OGN: variants seen among roughly 807,000 people sequenced by gnomAD.
OGN encodes the protein mimecan.
In OGN, 19 loss-of-function variants were observed where a neutral mutation model predicts 30.8. The observed-to-expected ratio is 0.62, with a 90% CI of 0.43 to 0.90. The LOEUF is 0.90. Ranked by LOEUF, OGN falls within the 40% of genes least tolerant of loss-of-function variation. The pLI, the probability that OGN is intolerant of heterozygous loss-of-function variation, is 0.00. For synonymous variants in OGN, 126 were observed against 128.3 expected (o/e 0.98, Z 0.12); for missense variants, 283 against 349.7 (o/e 0.81, Z 1.52).
intron 5 of OGN, 145 bp from the exon 6 acceptor site, chr9:92,386,441 G>C (rs191790003): frequency 1.7e-6 from 1 of 583,110 alleles, no homozygotes; most frequent in Non-Finnish European, 3.0e-6. Context: ...TCAATTGTTC[G>C]TATGGTAGTT....
At chr9:92,391,636 C>G (rs890282137) in intron 4 of OGN, among the ~76,000 whole-genome samples, 1 of 151,968 alleles carries the variant, frequency 6.6e-6, no homozygotes, top group African/African-American at 2.4e-5. Flanking sequence ...AATCAATAAA[C>G]AGCAAAATCA....
intron 4 of OGN, among the ~76,000 whole-genome samples, chr9:92,391,268 G>A (rs1300291289): frequency 2.0e-5 from 3 of 151,894 alleles, no homozygotes; most frequent in Middle Eastern, 3.4e-3. Flanking sequence ...TTAGCCAGGC[G>A]TGGTGGCGAG....
At chr9:92,390,893 C>T (rs1842649879) in intron 4 of OGN, among the ~76,000 whole-genome samples, 1 of 152,142 alleles carries the variant, frequency 6.6e-6, no homozygotes. Context: ...AACATATTTT[C>T]CCTGTAGGCA....
chr9:92,389,024 T>C (rs1251434594), intron 5 of OGN, among the ~76,000 whole-genome samples: 1 of 152,154 alleles, frequency 6.6e-6, no homozygotes, highest in Admixed American at 6.5e-5. Context: ...TAACAGATTG[T>C]ACATTTTTTG....
At chr9:92,390,585 TGTGC>T (rs748539120) in intron 4 of OGN, among the ~76,000 whole-genome samples, 71 of 133,122 alleles carry the variant, frequency 5.3e-4, no homozygotes, top group East Asian at 5.1e-4. Context: ...TGTGTGTGTG[TGTGC>T]GCGCGCGCGT....
chr9:92,385,629 TGACCCTATCGGTAATC>T lies in OGN; in HGVS notation c.872_887del (p.Arg291AsnfsTer11). On this transcript the variant is annotated frameshift_variant, in exon 7 of 7. Transcript: ENST00000375561. LOFTEE classifies it high-confidence loss of function. ...GTTGTACCAATAGAGGTTAAAAGTA[TGACCCTATCGGTAATC>T]TTTTTAAGCAAATAAAACTGTTTGG... The T allele has an allele frequency of 6.2e-7, 1 of 1,613,920 alleles. No individual in the cohort carries two copies. Among genetic ancestry groups the T allele is most frequent in the Non-Finnish European group, 8.5e-7 (1 of 1,179,768 alleles).
At chr9:92,390,587 T>TGTGTGCGCGC (rs749697394) in intron 4 of OGN, among the ~76,000 whole-genome samples, 38 of 141,914 alleles carry the variant, frequency 2.7e-4, no homozygotes, top group Non-Finnish European at 4.9e-4. Context: ...TGTGTGTGTG[T>TGTGTGCGCGC]GCGCGCGCGC....
intron 4 of OGN, among the ~76,000 whole-genome samples, chr9:92,391,192 C>T (rs997972361): frequency 6.6e-5 from 10 of 150,602 alleles, no homozygotes; most frequent in African/African-American, 9.8e-5. Flanking sequence ...GTCAGGAGAT[C>T]GAGACCATCC....
At chr9:92,387,087 G>C (rs1223408208) in intron 5 of OGN, among the ~76,000 whole-genome samples, 1 of 144,974 alleles carries the variant, frequency 6.9e-6, no homozygotes, top group East Asian at 2.1e-4. Flanking sequence ...AAATGTGTGT[G>C]CTTAGCCGGG....
rs527915296 is a variant in OGN at position 92,389,623 on chromosome 9, C to T, written c.630+231G>A. 8.7e-6 allele frequency: 3 copies of T among 345,116 alleles called. No homozygotes were observed. The Admixed American group carries it at 1.4e-4, about 16-fold the overall frequency. The allele number at this position is 345,116 out of a possible 1,614,324, so 21.4% of individuals were successfully genotyped here. On this transcript the variant is annotated intron_variant, in intron 5 of 6. Transcript: ENST00000375561. ...TATGAACAAGTGAAAAAATGAGAAA[C>T]AAAATAGTCCCATGAAATAAAATAA...
At position 92,387,680 on chromosome 9, in the gene OGN, A is replaced by G. The variant is rs549779067; in HGVS notation, c.631-1384T>C. On this transcript the variant is annotated intron_variant, in intron 5 of 6. Transcript: ENST00000375561. ...TGTCTTCCCAGTGAGTCTCATTTAC[A>G]TGAGGTAGAATAACCTAATTCTACT... Among the ~76,000 whole-genome samples the G allele has an allele frequency of 6.6e-5, 10 of 152,318 alleles. No homozygotes were observed. In the South Asian group the frequency reaches 2.1e-3, roughly 32 times the overall value.
At chr9:92,394,761 T>C (rs1444717706) in intron 3 of OGN, among the ~76,000 whole-genome samples, 1 of 151,470 alleles carries the variant, frequency 6.6e-6, no homozygotes, top group Non-Finnish European at 1.5e-5. Context: ...TGTGCCACCA[T>C]GTCCGGCTAA....
chr9:92,403,275 G>A lies in OGN; in HGVS notation c.133C>T (p.Gln45Ter). The stretch of plus-strand genomic sequence containing the variant: ...TCCAGGTATTTATCCTCATAATCTT[G>A]GCTAAATATGGATTCTTCAAAATTA... ...TDNFEESIFS[Q>*]DYEDKYLDGK... is the part of the protein sequence containing the mutation. The change falls in exon 2 of 7, where the codon CAA becomes TAA. Residue 45 changes from glutamine (Q) to a stop codon, truncating the protein, a stop_gained. Coordinates refer to ENST00000375561, the MANE Select transcript of OGN (RefSeq NM_014057.5). LOFTEE classifies it high-confidence loss of function. 1 of 1,603,354 alleles carries A rather than the reference G, an allele frequency of 6.2e-7. No individual in the cohort carries two copies. The highest frequency in any genetic ancestry group is 8.5e-7 in the Non-Finnish European group (1 of 1,171,558).
At chr9:92,387,968 TGCCCAG>T (rs1431142487) in intron 5 of OGN, among the ~76,000 whole-genome samples, 1 of 151,274 alleles carries the variant, frequency 6.6e-6, no homozygotes, top group African/African-American at 2.4e-5. Flanking sequence ...TTCACCATGT[TGCCCAG>T]GCTGGTCTCG....
At chr9:92,396,379 CA>C (rs369199427) in intron 3 of OGN, among the ~76,000 whole-genome samples, 123 of 144,880 alleles carry the variant, frequency 8.5e-4, no homozygotes, top group South Asian at 1.2e-3. Context: ...GTTAATTAAA[CA>C]AAAAAAAAAC....
At chr9:92,386,360 A>G in intron 5 of OGN, 64 bp from the exon 6 acceptor site, 1 of 988,886 alleles carries the variant, frequency 1.0e-6, no homozygotes, top group East Asian at 2.4e-5. Flanking sequence ...GGATTCAAGC[A>G]ATATATATGT....
Position 92,389,984 on chromosome 9 carries a change from G to A in OGN, c.500C>T (p.Ser167Phe). ...AGCAAGTGAAAGTTCTTCTAACAGA[G>A]AAAGTTTTGAAAAAGTACCATCTTC... Reference protein sequence around the residue: ...DIEDGTFSKLSLLEELSLAEN... With the variant: ...DIEDGTFSKLFLLEELSLAEN... The change falls in exon 5 of 7, where the codon TCT (serine) becomes TTT (phenylalanine). Residue 167 changes from serine to phenylalanine, a missense_variant. Coordinates refer to ENST00000375561, the MANE Select transcript of OGN (RefSeq NM_014057.5). 6.2e-7 allele frequency: 1 copy of A among 1,610,300 alleles called. No homozygotes were observed. The highest frequency in any genetic ancestry group is 8.5e-7 in the Non-Finnish European group (1 of 1,177,072).
intron 4 of OGN, among the ~76,000 whole-genome samples, chr9:92,392,711 C>CTT (rs1301408673): frequency 6.6e-6 from 1 of 152,082 alleles, no homozygotes; most frequent in East Asian, 1.9e-4. Flanking sequence ...AGAAAAAGCA[C>CTT]TTTCTGTGTT....
chr9:92,399,635 C>T (rs1450829461), intron 3 of OGN, among the ~76,000 whole-genome samples: 2 of 152,048 alleles, frequency 1.3e-5, no homozygotes, highest in Admixed American at 6.6e-5. Context: ...AGTACTTGTA[C>T]GATTTCATTT....
Sources: gnomAD v4.1 joint callset for allele counts (sites outside exome capture counted in the v4.1 genomes callset) on GRCh38, gnomAD v4.1.1 for gene constraint, MANE v1.5 for transcripts, NCBI Gene and HGNC (gene_info 2026-07-23, HGNC 2026-07-21) for gene names.